Variants in PEX5L observed in about 807,000 individuals in gnomAD.
PEX5L encodes peroxisomal biogenesis factor 5 like.
PEX5L carries 30 observed loss-of-function variants against 84.0 expected under a neutral mutation model. The ratio of observed to expected loss-of-function variants is 0.36; its 90% CI spans 0.27 to 0.48. The LOEUF is 0.48. PEX5L is among the 20% of genes least tolerant of loss of function. The pLI is 0.99. For synonymous variants in PEX5L, 270 were observed against 283.1 expected, an observed-to-expected ratio of 0.95 and a Z score of 0.46; for missense variants, 533 against 754.6, an observed-to-expected ratio of 0.71 and a Z score of 3.44.
chr3:179,903,378 C>T (rs1185316954), intron 2 of PEX5L, among the ~76,000 whole-genome samples: 1 of 152,008 alleles, frequency 6.6e-6, no homozygotes, highest in East Asian at 1.9e-4. Context: ...TGTGCCACCA[C>T]ACTCTGCTAA....
chr3:179,891,839 G>A (rs1757723833), intron 3 of PEX5L, among the ~76,000 whole-genome samples: 1 of 152,056 alleles, frequency 6.6e-6, no homozygotes, highest in South Asian at 2.1e-4. Flanking sequence ...GGTGACTTGA[G>A]AACAAATACA....
At chr3:179,977,877 C>T (rs533802247) in intron 1 of PEX5L, among the ~76,000 whole-genome samples, 8 of 152,280 alleles carry the variant, frequency 5.3e-5, no homozygotes, top group Admixed American at 2.0e-4. Flanking sequence ...CTTTTCCCCC[C>T]TCTCTAACTG....
intron 2 of PEX5L, among the ~76,000 whole-genome samples, chr3:179,937,187 A>G (rs1018371151): frequency 6.6e-6 from 1 of 152,184 alleles, no homozygotes; most frequent in Admixed American, 6.5e-5. Flanking sequence ...CATGTTACAA[A>G]AGTAAAAAGT....
chr3:180,002,614 C>T (rs1462511907), intron 1 of PEX5L, among the ~76,000 whole-genome samples: 1 of 152,028 alleles, frequency 6.6e-6, no homozygotes, highest in Non-Finnish European at 1.5e-5. Context: ...TATCCATTTA[C>T]TCTTTGTCAA....
intron 2 of PEX5L, among the ~76,000 whole-genome samples, chr3:179,958,615 C>T (rs1426627250): frequency 6.6e-6 from 1 of 152,084 alleles, no homozygotes; most frequent in Non-Finnish European, 1.5e-5. Context: ...CTTGGTCTCC[C>T]TCATTTATGC....
intron 2 of PEX5L, among the ~76,000 whole-genome samples, chr3:179,905,511 G>A (rs940450427): frequency 6.6e-6 from 1 of 151,976 alleles, no homozygotes; most frequent in Non-Finnish European, 1.5e-5. Context: ...CGCCCGCCTC[G>A]ACCTCCCAAA....
chr3:179,887,591 A>C, intron 4 of PEX5L, 82 bp downstream of exon 4: 1 of 887,514 alleles, frequency 1.1e-6, no homozygotes, highest in African/African-American at 1.7e-5. Context: ...TCCTCACTTA[A>C]AATGTATTAT....
rs985150519 is a variant in PEX5L at position 180,004,577 on chromosome 3, A to G, written c.21+32002T>C. ...AATAGAAACTTGGTATGAACTATCT[A>G]ATTTATTGTTTTTGTTTTGTTTTGT... On this transcript the variant is annotated intron_variant, in intron 1 of 14. Transcript: ENST00000467460. 1.4e-4 allele frequency among the ~76,000 whole-genome samples: 21 copies of G among 151,864 alleles called. No individual in the cohort carries two copies. The Middle Eastern group carries it at 0.01, about 74-fold the overall frequency.
At chr3:179,847,081 G>GTA (rs80254022) in intron 8 of PEX5L, among the ~76,000 whole-genome samples, 3,577 of 105,506 alleles carry the variant, frequency 0.034, 140 homozygotes, top group African/African-American at 0.092. Flanking sequence ...GTGTGTGTGT[G>GTA]TATATATATA....
intron 8 of PEX5L, among the ~76,000 whole-genome samples, chr3:179,834,692 G>T (rs62291596): frequency 0.078 from 11,903 of 152,236 alleles, 668 homozygotes; most frequent in Non-Finnish European, 0.12. Flanking sequence ...TAGAGGACTG[G>T]ATGTTTTAGT....
chr3:179,961,194 T>C (rs1248440214), intron 2 of PEX5L, among the ~76,000 whole-genome samples: 1 of 137,692 alleles, frequency 7.3e-6, no homozygotes, highest in Non-Finnish European at 1.6e-5. Flanking sequence ...ATCACTTGTG[T>C]ATGTGTATGT....
chr3:180,014,313 A>G (rs1383256432), intron 1 of PEX5L, among the ~76,000 whole-genome samples: 2 of 152,152 alleles, frequency 1.3e-5, no homozygotes, highest in African/African-American at 4.8e-5. Flanking sequence ...TCTACTAAAA[A>G]TACAAAAAAT....
Position 179,829,943 on chromosome 3 carries a change from A to ATT in PEX5L, c.823-9969_823-9968dup, listed in dbSNP as rs11352022. ...AGGAGCCTGCCACCAGGCCTGGCTA[A>ATT]TTTTTTTTTTTTTTTTTTTTTTTTT... is the stretch of plus-strand genomic sequence containing the variant. On this transcript the variant is annotated intron_variant, in intron 8 of 14. Coordinates refer to ENST00000467460, the MANE Select transcript of PEX5L (RefSeq NM_016559.3). 2.0e-3 allele frequency among the ~76,000 whole-genome samples: 170 copies of ATT among 83,634 alleles called. 1 individual carries two copies. Among genetic ancestry groups the ATT allele is most frequent in the African/African-American group, 4.8e-3 (98 of 20,510 alleles). 54.9% of individuals were successfully genotyped at this position (83,634 alleles called of 152,430 possible).
chr3:179,950,235 T>G (rs1387108018), intron 2 of PEX5L, among the ~76,000 whole-genome samples: 3 of 152,082 alleles, frequency 2.0e-5, no homozygotes, highest in Non-Finnish European at 2.9e-5. Flanking sequence ...TGGTGCAGCC[T>G]CTTAGAAAAC....
intron 8 of PEX5L, among the ~76,000 whole-genome samples, chr3:179,852,100 T>A (rs886468576): frequency 3.3e-5 from 5 of 152,202 alleles, no homozygotes; most frequent in Admixed American, 2.6e-4. Context: ...GCGTTTACTA[T>A]GTCACACTGT....
rs537129843 is a variant in PEX5L at position 179,796,751 on chromosome 3, A to G, written c.*5077T>C. The G allele has an allele frequency of 1.3e-5, 2 of 152,304 alleles. No individual in the cohort carries two copies. The highest frequency in any genetic ancestry group is 2.9e-5 in the Non-Finnish European group (2 of 68,018). 9.4% of individuals were successfully genotyped at this position (152,304 alleles called of 1,614,324 possible). On this transcript the variant is annotated 3_prime_UTR_variant, in exon 15 of 15. Coordinates refer to ENST00000467460, the MANE Select transcript of PEX5L (RefSeq NM_016559.3). The stretch of plus-strand genomic sequence containing the variant: ...TGGGAAAAGGCAGTGAGAAGATTTC[A>G]GAGTTGGTTCTGAGTGACCGTGAAA...
At chr3:179,813,041 C>A (rs1724505428) in intron 10 of PEX5L, among the ~76,000 whole-genome samples, 1 of 152,138 alleles carries the variant, frequency 6.6e-6, no homozygotes, top group Non-Finnish European at 1.5e-5. Flanking sequence ...GATTATTCCT[C>A]CCTCCAAATA....
intron 7 of PEX5L, among the ~76,000 whole-genome samples, chr3:179,873,027 T>C (rs534137191): frequency 1.2e-4 from 18 of 152,310 alleles, no homozygotes; most frequent in Non-Finnish European, 2.5e-4. Flanking sequence ...TCGTCCTCTC[T>C]TGTGGAGGGT....
intron 5 of PEX5L, among the ~76,000 whole-genome samples, chr3:179,879,714 C>T (rs915184682): frequency 6.6e-6 from 1 of 152,092 alleles, no homozygotes; most frequent in South Asian, 2.1e-4. Flanking sequence ...ATTTGTGGGT[C>T]GAATAAATAA....
Sources: allele counts gnomAD v4.1 joint callset (sites outside exome capture counted in the v4.1 genomes callset), GRCh38; gene constraint gnomAD v4.1.1; transcripts MANE v1.5; gene names NCBI Gene and HGNC (gene_info 2026-07-23, HGNC 2026-07-21).